Variants in CWC22 observed in about 807,000 individuals in gnomAD.
CWC22 encodes CWC22 spliceosome associated protein, also known as pre-mRNA-splicing factor CWC22 homolog.
Under a neutral mutation model 117.2 loss-of-function variants are expected in CWC22, and 53 were observed. That is an observed-to-expected ratio of 0.45 (90% CI 0.36 to 0.57). CWC22 has a LOEUF of 0.57. Ranked by LOEUF, CWC22 falls within the 20% of genes least tolerant of loss-of-function variation. CWC22 has a pLI of 0.00. For synonymous variants in CWC22, 360 were observed against 355.6 expected, an observed-to-expected ratio of 1.01 and a Z score of -0.14; for missense variants, 980 against 1,068.8, an observed-to-expected ratio of 0.92 and a Z score of 1.16.
intron 8 of CWC22, 46 bp downstream of exon 8, chr2:179,973,147 G>A: frequency 7.4e-7 from 1 of 1,349,706 alleles, no homozygotes; most frequent in Non-Finnish European, 1.0e-6. Context: ...CAACCCTCTG[G>A]TCTAATGCCA....
Position 179,986,746 on chromosome 2 carries a change from T to C in CWC22, c.155A>G (p.Asp52Gly), listed in dbSNP as rs943181014. The C allele has an allele frequency of 6.2e-7, 1 of 1,610,032 alleles. No homozygotes were observed. The highest frequency in any genetic ancestry group is 1.1e-5 in the South Asian group (1 of 90,530). The change falls in exon 4 of 20, where the codon GAC becomes GGC. Residue 52 changes from aspartate to glycine, a missense_variant. Physicochemically the swap from Asp to Gly is moderately conservative, Grantham distance 94 (BLOSUM62 -1). Around this residue, in one of 3 missense-constraint regions of CWC22, gnomAD observed 559 missense variants for 602.3 expected, o/e 0.93. Coordinates refer to ENST00000410053, the MANE Select transcript of CWC22 (RefSeq NM_020943.3). ...DRDYFDYSRS[D>G]YEHSRRGRSY... ...ACGTCCTCTTCTTGAATGCTCATAG[T>C]CTGATCTGCTGTAATCAAAGTAATC...
intron 13 of CWC22, 53 bp downstream of exon 13, chr2:179,964,494 A>G: frequency 3.3e-6 from 3 of 911,580 alleles, no homozygotes; most frequent in Admixed American, 4.5e-5. Context: ...TGATCTCTTT[A>G]CCCATCCCTT....
At chr2:179,966,101 A>C (rs762004552) in intron 11 of CWC22, 119 bp from the exon 12 acceptor site, 1 of 685,284 alleles carries the variant, frequency 1.5e-6, no homozygotes, top group Non-Finnish European at 2.4e-6. Flanking sequence ...TTTGCTAGCC[A>C]ACAAAGATAA....
At chr2:179,990,052 T>G (rs1382637702) in intron 2 of CWC22, among the ~76,000 whole-genome samples, 1 of 152,136 alleles carries the variant, frequency 6.6e-6, no homozygotes, top group Non-Finnish European at 1.5e-5. Context: ...ACAAGTACAA[T>G]GCAAAATAGT....
In CWC22 at chr2:179,987,103, T is replaced by C. The variant is rs184432699; in HGVS notation, c.96-298A>G. ...CATATATCTGGATATCATATATAGT[T>C]AGCATGAAAAAGGCTATCCTACAAA... On this transcript the variant is annotated intron_variant, in intron 3 of 19. Coordinates refer to ENST00000410053, the MANE Select transcript of CWC22 (RefSeq NM_020943.3). Among the ~76,000 whole-genome samples the C allele has an allele frequency of 2.8e-3, 431 of 152,292 alleles. 8 individuals are homozygous for C. Among genetic ancestry groups the C allele is most frequent in the Middle Eastern group, 3.4e-3 (1 of 294 alleles).
Position 179,970,874 on chromosome 2 carries a change from G to T in CWC22, c.941-18C>A, listed in dbSNP as rs184400760. ...AAATATAGCTAAAAGTTAACAGAAA[G>T]AAAAGACAATAAAATAAGCAATAAA... On this transcript the variant is annotated intron_variant, in intron 9 of 19. Coordinates refer to ENST00000410053, the MANE Select transcript of CWC22 (RefSeq NM_020943.3). The T allele has an allele frequency of 1.5e-3, 2,485 of 1,609,594 alleles. 3 individuals are homozygous for T. Among genetic ancestry groups the T allele is most frequent in the Non-Finnish European group, 2.0e-3 (2,371 of 1,176,860 alleles).
chr2:179,999,689 T>C (rs1279031957), intron 1 of CWC22, among the ~76,000 whole-genome samples: 1 of 152,154 alleles, frequency 6.6e-6, no homozygotes, highest in African/African-American at 2.4e-5. Context: ...AAACATATTG[T>C]CATAAAATTG....
intron 5 of CWC22, among the ~76,000 whole-genome samples, chr2:179,979,435 A>G (rs1298531785): frequency 6.6e-6 from 1 of 152,174 alleles, no homozygotes; most frequent in Non-Finnish European, 1.5e-5. Context: ...TTTAGAGATG[A>G]GTAAAAATAA....
chr2:179,950,935 G>T lies in CWC22; in HGVS notation c.1818-9C>A. The T allele has an allele frequency of 6.7e-7, 1 of 1,495,106 alleles. No individual in the cohort carries two copies. The highest frequency in any genetic ancestry group is 1.3e-5 in the South Asian group (1 of 79,296). 92.6% of individuals were successfully genotyped at this position (1,495,106 alleles called of 1,614,324 possible). ...AGAATGGCTGCAGAGTTCTAAAAAG[G>T]AAAAAAATAAACAAAAGAGAACACA... is the stretch of plus-strand genomic sequence containing the variant. On this transcript the variant is annotated splice_polypyrimidine_tract_variant and intron_variant, in intron 17 of 19. Coordinates refer to ENST00000410053, the MANE Select transcript of CWC22 (RefSeq NM_020943.3).
chr2:179,994,204 A>G (rs1304430945), intron 1 of CWC22, among the ~76,000 whole-genome samples: 4 of 152,196 alleles, frequency 2.6e-5, no homozygotes, highest in African/African-American at 9.6e-5. Flanking sequence ...GGTTTATAGT[A>G]TAAGGCACTG....
chr2:179,985,759 T>C (rs543671588), intron 4 of CWC22, among the ~76,000 whole-genome samples: 9 of 152,190 alleles, frequency 5.9e-5, no homozygotes, highest in Admixed American at 2.0e-4. Context: ...GTTAATCTTT[T>C]ACTATGCCTA....
In CWC22 at chr2:179,973,638, T is replaced by C; in HGVS notation, c.746A>G (p.Asp249Gly). The C allele has an allele frequency of 1.3e-6, 2 of 1,584,386 alleles. No homozygotes were observed. The highest frequency in any genetic ancestry group is 1.7e-6 in the Non-Finnish European group (2 of 1,160,054). Residue 249 changes from aspartate (D) to glycine (G), a missense_variant, in exon 7 of 20, where the codon GAC becomes GGC. Physicochemically the swap from Asp to Gly is moderately conservative, Grantham distance 94 (BLOSUM62 -1). This residue lies in a region of CWC22 where 559 missense variants were observed against 602.3 expected (regional missense o/e 0.93). Coordinates refer to ENST00000410053, the MANE Select transcript of CWC22 (RefSeq NM_020943.3). ...TTACAAGCCATTCATATATACCTTG[T>C]CATTTCTTCGATAGCCTTTTCGAAA... is the stretch of plus-strand genomic sequence containing the variant. ...LNFRKGYRRN[D>G]KQLCLTASKF... is the part of the protein sequence containing the mutation.
intron 13 of CWC22, among the ~76,000 whole-genome samples, chr2:179,962,621 T>C (rs113604569): frequency 6.6e-6 from 1 of 152,096 alleles, no homozygotes; most frequent in African/African-American, 2.4e-5. Context: ...TTATTTGTGG[T>C]AGAAAATAAG....
chr2:179,977,180 T>C (rs1006220186), intron 6 of CWC22, among the ~76,000 whole-genome samples: 5 of 151,998 alleles, frequency 3.3e-5, no homozygotes, highest in Admixed American at 2.6e-4. Context: ...TAAAAAAAAT[T>C]TTTTTTTATT....
At chr2:179,977,302 A>T (rs1257968959) in intron 6 of CWC22, among the ~76,000 whole-genome samples, 2 of 152,226 alleles carry the variant, frequency 1.3e-5, no homozygotes, top group African/African-American at 4.8e-5. Context: ...CATTATTCAC[A>T]ATGGTGAAAA....
chr2:179,986,781 G>C lies in CWC22; in HGVS notation c.120C>G (p.Pro40=). 6.3e-7 allele frequency: 1 copy of C among 1,594,444 alleles called. No homozygotes were observed. Residue 40 remains proline (P), a synonymous_variant, in exon 4 of 20, where the codon CCC becomes CCG. Coordinates refer to ENST00000410053, the MANE Select transcript of CWC22 (RefSeq NM_020943.3). ...EDRYEEQERS[P]RDRDYFDYSR... is the part of the protein sequence containing the mutation. ...TGTAATCAAAGTAATCTCTATCCCG[G>C]GGGGATCGTTCTTGTTCTTCATATC...
intron 13 of CWC22, among the ~76,000 whole-genome samples, chr2:179,963,382 G>A (rs1349156997): frequency 9.1e-6 from 1 of 110,216 alleles, no homozygotes; most frequent in Non-Finnish European, 1.7e-5. Context: ...TCGCTCTGTC[G>A]CCCAGGCTGG....
chr2:180,003,481 C>T (rs184071821), intron 1 of CWC22, among the ~76,000 whole-genome samples: 1 of 152,290 alleles, frequency 6.6e-6, no homozygotes, highest in East Asian at 1.9e-4. Context: ...TTTCAAGGCA[C>T]AGCTTTGAAA....
At chr2:179,989,503 C>T (rs932346219) in intron 2 of CWC22, among the ~76,000 whole-genome samples, 3 of 152,238 alleles carry the variant, frequency 2.0e-5, no homozygotes, top group East Asian at 3.9e-4. Flanking sequence ...TTTCAACAAA[C>T]ATCAATTGAG....
Sources: gnomAD v4.1 joint callset for allele counts (sites outside exome capture counted in the v4.1 genomes callset) on GRCh38, gnomAD v4.1.1 for gene constraint, gnomAD v4.1.1 regional missense constraint, MANE v1.5 for transcripts, NCBI Gene and HGNC (gene_info 2026-07-23, HGNC 2026-07-21) for gene names.